The following CRYBG1 variants were observed in gnomAD, a reference collection of about 807,000 sequenced individuals.
CRYBG1 encodes crystallin beta-gamma domain containing 1.
In CRYBG1, 139 loss-of-function variants were observed where a neutral mutation model predicts 189.2. That is an observed-to-expected ratio of 0.73 (90% confidence interval 0.64 to 0.85). CRYBG1 has a LOEUF of 0.85. Among genes scored for constraint, CRYBG1 ranks in the 40% least tolerant of loss-of-function variants. The probability of loss-of-function intolerance (pLI) is 0.00; values close to 1 mark genes in which losing one functional copy is unlikely to be tolerated. For missense variants in CRYBG1, 2,611 were observed against 2,675.8 expected (o/e 0.98, Z 0.53); for synonymous variants, 1,023 against 1,017.1 (o/e 1.01, Z -0.11).
At chr6:106,465,838 CT>C (rs1488175303) in intron 2 of CRYBG1, among the ~76,000 whole-genome samples, 1 of 152,098 alleles carries the variant, frequency 6.6e-6, no homozygotes, top group Non-Finnish European at 1.5e-5. Flanking sequence ...TCTTTTATAT[CT>C]TGTAATTACT....
rs1582848169 is a variant in CRYBG1, at chr6:106,568,630, T to C, written c.*64T>C. Reference sequence around the variant, plus strand: ...CCACCTTATTTCTTAAAAAGGACAATGCTGATGGAAGACCAGACTGGAAAG... The same window carrying C: ...CCACCTTATTTCTTAAAAAGGACAACGCTGATGGAAGACCAGACTGGAAAG... On this transcript the variant is annotated 3_prime_UTR_variant, in exon 22 of 22. Transcript: ENST00000633556. The C allele has an allele frequency of 8.0e-7, 1 of 1,249,636 alleles. No individual in the cohort carries two copies. Among genetic ancestry groups the C allele is most frequent in the Admixed American group, 1.8e-5 (1 of 54,950 alleles). The allele number at this position is 1,249,636 out of a possible 1,614,324, so 77.4% of individuals were successfully genotyped here. A position where few individuals can be genotyped will look rare whatever the true frequency, so the allele number is the denominator to read the frequency against.
At chr6:106,423,713 T>TTTTGAGACAAGG in intron 1 of CRYBG1, among the ~76,000 whole-genome samples, 1 of 140,460 alleles carries the variant, frequency 7.1e-6, no homozygotes, top group African/African-American at 2.7e-5. Context: ...TTTTTTTTTT[T>TTTTGAGACAAGG]TTTTTTTTTT....
At chr6:106,472,666 G>A (rs1014329636) in intron 2 of CRYBG1, among the ~76,000 whole-genome samples, 5 of 151,868 alleles carry the variant, frequency 3.3e-5, no homozygotes, top group Non-Finnish European at 4.4e-5. Context: ...AGGCCAAGGC[G>A]GGCAGATTGC....
intron 1 of CRYBG1, among the ~76,000 whole-genome samples, chr6:106,425,607 AG>A (rs571808399): frequency 6.6e-6 from 1 of 152,172 alleles, no homozygotes; most frequent in Non-Finnish European, 1.5e-5. Context: ...AAAAGTTCAC[AG>A]CTATGTTGAC....
intron 2 of CRYBG1, among the ~76,000 whole-genome samples, chr6:106,459,545 G>GTTTT (rs35095662): frequency 1.4e-5 from 2 of 138,934 alleles, no homozygotes; most frequent in African/African-American, 2.6e-5. Flanking sequence ...CCATTTGTGG[G>GTTTT]TTTTTTTTTT....
At chr6:106,531,619 T>C (rs911953932) in intron 8 of CRYBG1, among the ~76,000 whole-genome samples, 3 of 151,852 alleles carry the variant, frequency 2.0e-5, no homozygotes, top group Non-Finnish European at 2.9e-5. Context: ...AAGGAAAGTA[T>C]GAGTTAGGTA....
chr6:106,562,784 G>T (rs1254791183), intron 20 of CRYBG1, among the ~76,000 whole-genome samples: 2 of 152,056 alleles, frequency 1.3e-5, no homozygotes, highest in African/African-American at 4.8e-5. Flanking sequence ...ACTGCGCCTG[G>T]CCTACAATAA....
intron 2 of CRYBG1, among the ~76,000 whole-genome samples, chr6:106,477,404 A>G (rs536332619): frequency 6.6e-6 from 1 of 152,326 alleles, no homozygotes; most frequent in East Asian, 1.9e-4. Context: ...GTTAATATCC[A>G]TTTAAAGGAT....
intron 2 of CRYBG1, among the ~76,000 whole-genome samples, chr6:106,484,846 C>T (rs147721874): frequency 6.6e-6 from 1 of 152,172 alleles, no homozygotes; most frequent in African/African-American, 2.4e-5. Context: ...AAAATATTAG[C>T]TGGATGTGGT....
At chr6:106,461,730 CAA>C (rs1772010816) in intron 2 of CRYBG1, among the ~76,000 whole-genome samples, 1 of 152,148 alleles carries the variant, frequency 6.6e-6, no homozygotes, top group Non-Finnish European at 1.5e-5. Flanking sequence ...AGCTCTCCTA[CAA>C]AACTTCCTGT....
At chr6:106,453,133 CATAGTTCTGT>C (rs1481954605) in intron 2 of CRYBG1, among the ~76,000 whole-genome samples, 1 of 152,106 alleles carries the variant, frequency 6.6e-6, no homozygotes, top group African/African-American at 2.4e-5. Context: ...TATTGATCTG[CATAGTTCTGT>C]ATAGTTAAAA....
chr6:106,504,149 G>A (rs1330656988), intron 2 of CRYBG1, among the ~76,000 whole-genome samples: 1 of 152,108 alleles, frequency 6.6e-6, no homozygotes, highest in Non-Finnish European at 1.5e-5. Flanking sequence ...TCAGAGATGA[G>A]GTGGGCACTA....
At chr6:106,521,725 T>TTTTTC in intron 4 of CRYBG1, among the ~76,000 whole-genome samples, 1 of 135,572 alleles carries the variant, frequency 7.4e-6, no homozygotes, top group African/African-American at 2.8e-5. Flanking sequence ...TTTTTTTTTT[T>TTTTTC]TTTTTTTTTT....
In CRYBG1 at chr6:106,495,514, T is replaced by C. The variant is rs558663161; in HGVS notation, c.313-15916T>C. Among the ~76,000 whole-genome samples, 18 of 151,368 alleles carry C rather than the reference T, an allele frequency of 1.2e-4. No individual in the cohort carries two copies. The South Asian group carries it at 3.2e-3, about 27-fold the overall frequency. On this transcript the variant is annotated intron_variant, in intron 2 of 21. Coordinates refer to ENST00000633556, the MANE Select transcript of CRYBG1 (RefSeq NM_001371242.2). Reference sequence around the variant, plus strand: ...TCAAGTAACTTCACAATGTATTTATTGTCTAGATCTGGTAGTTTTGGGGGG... The same window carrying C: ...TCAAGTAACTTCACAATGTATTTATCGTCTAGATCTGGTAGTTTTGGGGGG...
intron 2 of CRYBG1, among the ~76,000 whole-genome samples, chr6:106,489,950 CAG>C (rs1491505949): frequency 2.0e-5 from 3 of 152,012 alleles, no homozygotes; most frequent in African/African-American, 4.8e-5. Flanking sequence ...TCTGGAGAAA[CAG>C]AGATTAAATG....
chr6:106,445,291 T>C (rs1771645367), intron 1 of CRYBG1, among the ~76,000 whole-genome samples: 1 of 152,236 alleles, frequency 6.6e-6, no homozygotes, highest in South Asian at 2.1e-4. Flanking sequence ...ACTCATCTAC[T>C]GAGAATTTAA....
intron 20 of CRYBG1, among the ~76,000 whole-genome samples, chr6:106,563,135 A>G (rs1472391193): frequency 2.0e-5 from 3 of 152,200 alleles, no homozygotes; most frequent in Non-Finnish European, 2.9e-5. Context: ...ACTGCCATAC[A>G]TTATTTATAT....
chr6:106,373,960 G>A (rs1307599151), intron 1 of CRYBG1, among the ~76,000 whole-genome samples: 1 of 152,212 alleles, frequency 6.6e-6, no homozygotes, highest in African/African-American at 2.4e-5. Flanking sequence ...CTGAGCAGAT[G>A]TTACTACTTC....
chr6:106,404,336 C>G (rs1249699358), intron 1 of CRYBG1, among the ~76,000 whole-genome samples: 3 of 152,192 alleles, frequency 2.0e-5, no homozygotes, highest in Non-Finnish European at 4.4e-5. Context: ...AAAATGACAA[C>G]ACAGCATTTC....
Sources: gnomAD v4.1 joint callset for allele counts (sites outside exome capture counted in the v4.1 genomes callset) on GRCh38, gnomAD v4.1.1 for gene constraint, MANE v1.5 for transcripts, NCBI Gene and HGNC (gene_info 2026-07-23, HGNC 2026-07-21) for gene names.